The following ARB2A variants were observed in gnomAD, a reference collection of about 807,000 sequenced individuals.
ARB2A encodes ARB2 cotranscriptional regulator A, also known as cotranscriptional regulator ARB2A.
At chr5:93,989,847 T>G in the ARB2A span, among the ~76,000 whole-genome samples, 1 of 152,108 alleles carries the variant, frequency 6.6e-6, no homozygotes, top group Non-Finnish European at 1.5e-5. Flanking sequence ...CAGTATAACA[T>G]CATCATTATG....
the ARB2A span, among the ~76,000 whole-genome samples, chr5:93,770,681 C>T: frequency 6.6e-6 from 1 of 152,158 alleles, no homozygotes; most frequent in Admixed American, 6.5e-5. Flanking sequence ...AGAGCCAAAT[C>T]ATGAGTGAAC....
At chr5:93,702,826 G>T in the ARB2A span, among the ~76,000 whole-genome samples, 1 of 152,078 alleles carries the variant, frequency 6.6e-6, no homozygotes, top group Non-Finnish European at 1.5e-5. Flanking sequence ...AAAGTTCACA[G>T]ATATTTTCAA....
At chr5:93,660,770 T>A in the ARB2A span, among the ~76,000 whole-genome samples, 2 of 151,958 alleles carry the variant, frequency 1.3e-5, no homozygotes, top group Non-Finnish European at 2.9e-5. Context: ...ACCAGTTAGG[T>A]GAAGAGGAAG....
chr5:93,765,845 G>A, the ARB2A span, among the ~76,000 whole-genome samples: 19 of 152,046 alleles, frequency 1.2e-4, no homozygotes. Flanking sequence ...CAGAGATATA[G>A]ACCAATGGAA....
At chr5:93,639,321 T>A in the ARB2A span, among the ~76,000 whole-genome samples, 4 of 152,194 alleles carry the variant, frequency 2.6e-5, no homozygotes, top group Non-Finnish European at 5.9e-5. Context: ...CTAGTTAAGA[T>A]CATGTAGAAA....
At chr5:93,897,452 C>A in the ARB2A span, among the ~76,000 whole-genome samples, 1 of 151,808 alleles carries the variant, frequency 6.6e-6, no homozygotes, top group South Asian at 2.1e-4. Context: ...GAGTTTCTTA[C>A]TTCTACCTCT....
chr5:93,893,434 GCAAA>G, the ARB2A span, among the ~76,000 whole-genome samples: 1 of 152,042 alleles, frequency 6.6e-6, no homozygotes, highest in Non-Finnish European at 1.5e-5. Flanking sequence ...AACATTAACT[GCAAA>G]CAGTCTTTTG....
At chr5:93,658,832 A>G in the ARB2A span, among the ~76,000 whole-genome samples, 1 of 151,762 alleles carries the variant, frequency 6.6e-6, no homozygotes, top group African/African-American at 2.4e-5. Context: ...ATGGCCAATT[A>G]TCTTTATTTC....
the ARB2A span, among the ~76,000 whole-genome samples, chr5:93,895,256 G>A: frequency 1.1e-3 from 169 of 152,270 alleles, no homozygotes; most frequent in African/African-American, 3.9e-3. Flanking sequence ...GCCATCAGGC[G>A]TTCATTTTTG....
chr5:93,637,302 C>T, the ARB2A span, among the ~76,000 whole-genome samples: 2 of 149,706 alleles, frequency 1.3e-5, no homozygotes, highest in South Asian at 2.1e-4. Flanking sequence ...AGATATACCA[C>T]AGCTTGTTTA....
the ARB2A span, among the ~76,000 whole-genome samples, chr5:93,715,584 C>G: frequency 1.3e-5 from 2 of 151,416 alleles, no homozygotes; most frequent in Non-Finnish European, 2.9e-5. Flanking sequence ...AAGCAGGGCA[C>G]AGTGTCACCT....
the ARB2A span, among the ~76,000 whole-genome samples, chr5:93,971,801 G>A: frequency 2.6e-5 from 4 of 152,066 alleles, no homozygotes; most frequent in East Asian, 7.7e-4. Context: ...ACCAATAAAT[G>A]GGGGATAGTG....
chr5:94,059,363 C>T, the ARB2A span, among the ~76,000 whole-genome samples: 1 of 151,836 alleles, frequency 6.6e-6, no homozygotes, highest in Middle Eastern at 3.2e-3. Flanking sequence ...TTGCTCATAC[C>T]TGTAATCCCA....
the ARB2A span, among the ~76,000 whole-genome samples, chr5:93,900,715 T>C: frequency 1.3e-5 from 2 of 151,980 alleles, no homozygotes; most frequent in South Asian, 4.1e-4. Context: ...AGCATTTTTT[T>C]CAGTGGAGAA....
the ARB2A span, among the ~76,000 whole-genome samples, chr5:93,898,937 T>C: frequency 6.6e-6 from 1 of 152,098 alleles, no homozygotes; most frequent in African/African-American, 2.4e-5. Flanking sequence ...ATCCTTATCT[T>C]ACAGCTGTTA....
the ARB2A span, among the ~76,000 whole-genome samples, chr5:93,954,543 C>G: frequency 1.3e-5 from 2 of 151,842 alleles, no homozygotes; most frequent in Non-Finnish European, 2.9e-5. Context: ...TCAAGCACCT[C>G]AAGCAGAGGG....
At chr5:93,643,729 G>A in the ARB2A span, among the ~76,000 whole-genome samples, 1 of 152,046 alleles carries the variant, frequency 6.6e-6, no homozygotes, top group African/African-American at 2.4e-5. Context: ...CCTGATCTCA[G>A]GTGATCCACC....
chr5:93,631,398 G>A, the ARB2A span, among the ~76,000 whole-genome samples: 1 of 152,118 alleles, frequency 6.6e-6, no homozygotes, highest in Non-Finnish European at 1.5e-5. Flanking sequence ...TCTCACTGTT[G>A]CCACAAGGTC....
the ARB2A span, among the ~76,000 whole-genome samples, chr5:94,090,229 G>A: frequency 5.9e-3 from 901 of 152,260 alleles, 8 homozygotes; most frequent in Admixed American, 0.015. Context: ...TCTCCTTGAA[G>A]AAGTCCTTCA....
Sources: allele counts gnomAD v4.1 joint callset (sites outside exome capture counted in the v4.1 genomes callset), GRCh38; gene constraint gnomAD v4.1.1; transcripts MANE v1.5; gene names NCBI Gene and HGNC (gene_info 2026-07-23, HGNC 2026-07-21).